The following AKAP3 variants were observed in gnomAD, a reference collection of about 807,000 sequenced individuals.
AKAP3 encodes the protein A-kinase anchor protein 3.
In AKAP3, 27 loss-of-function variants were observed where a neutral mutation model predicts 57.2. The ratio of observed to expected loss-of-function variants is 0.47; its 90% CI spans 0.35 to 0.65. AKAP3 has a LOEUF of 0.65. Among genes scored for constraint, AKAP3 ranks in the 30% least tolerant of loss-of-function variants. The pLI is 0.01. For synonymous variants in AKAP3, 334 were observed against 392.3 expected, an observed-to-expected ratio of 0.85 and a Z score of 1.76; for missense variants, 959 against 1,040.0, an observed-to-expected ratio of 0.92 and a Z score of 1.07.
intron 3 of AKAP3, 105 bp from the exon 4 acceptor site, chr12:4,638,301 G>T: frequency 1.3e-6 from 1 of 775,348 alleles, no homozygotes; most frequent in Non-Finnish European, 2.2e-6. Context: ...GATGAACAAT[G>T]CCTTCAATAG....
At position 4,627,202 on chromosome 12, in the gene AKAP3, G is replaced by A. The variant is rs758916430; in HGVS notation, c.1700C>T (p.Ala567Val). The change falls in exon 5 of 6, where the codon GCT (alanine) becomes GTT (valine). Residue 567 changes from alanine (A) to valine (V), a missense_variant. By Grantham distance (64) the Ala-to-Val change is moderately conservative (BLOSUM62 0). Transcript: ENST00000228850. ...AGACTTAAGGCAAGATTCATCGGGAGCTACAGGAGGTTCATTGGCAGGAAA... is the reference window on the plus strand; with the variant it reads ...AGACTTAAGGCAAGATTCATCGGGAACTACAGGAGGTTCATTGGCAGGAAA... ...TNFPANEPPV[A>V]PDESCLKSAP... 5.6e-6 allele frequency: 9 copies of A among 1,614,152 alleles called. No homozygotes were observed. The highest frequency in any genetic ancestry group is 3.3e-5 in the Admixed American group (2 of 60,004).
At position 4,649,019 on chromosome 12, in the gene AKAP3, G is replaced by A. The variant is rs551402656; in HGVS notation, c.-519C>T. On this transcript the variant is annotated 5_prime_UTR_variant, in exon 1 of 6. The change creates a new upstream start codon in the 5' untranslated region. Coordinates refer to ENST00000228850, the MANE Select transcript of AKAP3 (RefSeq NM_001278309.2). ...CTTAACCAACAATCTACCCGAAACC[G>A]TCGTTTCTTGGTTAGCGCTTGCGCA... 2.3e-6 allele frequency: 3 copies of A among 1,294,702 alleles called. No individual in the cohort carries two copies. The highest frequency in any genetic ancestry group is 2.5e-5 in the East Asian group (1 of 39,338). 80.2% of individuals were successfully genotyped at this position (1,294,702 alleles called of 1,614,324 possible). A position where few individuals can be genotyped will look rare whatever the true frequency, so the allele number is the denominator to read the frequency against.
In AKAP3 at chr12:4,641,062, CTTTTTTTTT is replaced by C. The variant is rs374817430; in HGVS notation, c.-1+828_-1+836del. Among the ~76,000 whole-genome samples the C allele has an allele frequency of 3.2e-4, 22 of 68,714 alleles. No individual in the cohort carries two copies. The East Asian group carries it at 3.9e-3, about 12-fold the overall frequency. 45.1% of individuals were successfully genotyped at this position (68,714 alleles called of 152,430 possible). A position where few individuals can be genotyped will look rare whatever the true frequency, so the allele number is the denominator to read the frequency against. On this transcript the variant is annotated intron_variant, in intron 3 of 5. Coordinates refer to ENST00000228850, the MANE Select transcript of AKAP3 (RefSeq NM_001278309.2). ...TCTCTGAGACAGATTTTCTAACTTC[CTTTTTTTTT>C]TTTTTTTTTTTTTTTTTTGGTGACA...
intron 4 of AKAP3, among the ~76,000 whole-genome samples, chr12:4,632,875 C>T (rs1294803947): frequency 6.6e-6 from 1 of 152,068 alleles, no homozygotes; most frequent in African/African-American, 2.4e-5. Flanking sequence ...CTCCTGACCT[C>T]GTGATCCGCC....
Position 4,627,095 on chromosome 12 carries a change from T to C in AKAP3, c.1807A>G (p.Ser603Gly), listed in dbSNP as rs150822841. 62 of 1,614,178 alleles carry C rather than the reference T, an allele frequency of 3.8e-5. No individual in the cohort carries two copies. In the African/African-American group the frequency reaches 5.7e-4, roughly 15 times the overall value. ...TGGTCACGCTTGAAAATGGTCTCACTAAGTAAGTTCCGGATGAAATTAAAG... is the reference window on the plus strand; with the variant it reads ...TGGTCACGCTTGAAAATGGTCTCACCAAGTAAGTTCCGGATGAAATTAAAG... ...VFFNFIRNLL[S>G]ETIFKRDQSP... is the part of the protein sequence containing the mutation. Residue 603 changes from serine to glycine, a missense_variant, in exon 5 of 6, where the codon AGT becomes GGT. Ser to Gly is a moderately conservative substitution (Grantham distance 56, BLOSUM62 0). Transcript: ENST00000228850.
At chr12:4,636,983 C>A (rs1945574720) in intron 4 of AKAP3, among the ~76,000 whole-genome samples, 1 of 152,144 alleles carries the variant, frequency 6.6e-6, no homozygotes, top group Admixed American at 6.5e-5. Flanking sequence ...TGGGCTCAAG[C>A]AATCCTCCCA....
chr12:4,632,752 A>AG (rs1436354739), intron 4 of AKAP3, among the ~76,000 whole-genome samples: 1 of 152,052 alleles, frequency 6.6e-6, no homozygotes, highest in East Asian at 1.9e-4. Flanking sequence ...GACATTCTCC[A>AG]GCCTCAGCCT....
chr12:4,627,198 G>C lies in AKAP3; in HGVS notation c.1704C>G (p.Pro568=). The change falls in exon 5 of 6, where the codon CCC becomes CCG. Residue 568 remains proline, a synonymous_variant. Coordinates refer to ENST00000228850, the MANE Select transcript of AKAP3 (RefSeq NM_001278309.2). ...NFPANEPPVA[P]DESCLKSAPI... ...GAGCAGACTTAAGGCAAGATTCATC[G>C]GGAGCTACAGGAGGTTCATTGGCAG... 3 of 1,614,002 alleles carry C rather than the reference G, an allele frequency of 1.9e-6. No homozygotes were observed. The highest frequency in any genetic ancestry group is 1.3e-5 in the African/African-American group (1 of 74,962).
chr12:4,634,712 C>A (rs1355403445), intron 4 of AKAP3, among the ~76,000 whole-genome samples: 1 of 128,614 alleles, frequency 7.8e-6, no homozygotes, highest in Non-Finnish European at 1.6e-5. Flanking sequence ...GATGGGATTG[C>A]ATTTGATTTT....
chr12:4,645,614 A>C (rs1362804894), intron 1 of AKAP3: 1 of 152,072 alleles, frequency 6.6e-6, no homozygotes, highest in Non-Finnish European at 1.5e-5. Context: ...GATTCTCATA[A>C]GGAGTGCACA....
chr12:4,632,487 C>A (rs1945510780), intron 4 of AKAP3, among the ~76,000 whole-genome samples: 1 of 152,094 alleles, frequency 6.6e-6, no homozygotes, highest in Admixed American at 6.5e-5. Flanking sequence ...ATGGTTGAGA[C>A]TATAATTAGG....
At chr12:4,640,355 C>T (rs1032594383) in intron 3 of AKAP3, among the ~76,000 whole-genome samples, 1 of 152,190 alleles carries the variant, frequency 6.6e-6, no homozygotes, top group African/African-American at 2.4e-5. Flanking sequence ...TCAAGCTCAA[C>T]AGCTTATCCT....
chr12:4,630,255 C>G (rs1328258584), intron 4 of AKAP3, among the ~76,000 whole-genome samples: 1 of 152,184 alleles, frequency 6.6e-6, no homozygotes, highest in African/African-American at 2.4e-5. Context: ...TTTATAGGCA[C>G]TATTTTGTTT....
rs2137434277 is a variant in AKAP3, at chr12:4,628,327, G to A, written c.575C>T (p.Pro192Leu). The A allele has an allele frequency of 6.2e-7, 1 of 1,614,078 alleles. No homozygotes were observed. The highest frequency in any genetic ancestry group is 1.3e-5 in the African/African-American group (1 of 75,058). Residue 192 changes from proline to leucine, a missense_variant, in exon 5 of 6, where the codon CCA becomes CTA. Coordinates refer to ENST00000228850, the MANE Select transcript of AKAP3 (RefSeq NM_001278309.2). ...TVSACSRNAA[P>L]DKAPGSGDRV... ...GTCTCCAGAGCCAGGAGCCTTGTCTGGGGCAGCATTCCTGGAACATGCAGA... is the reference window on the plus strand; with the variant it reads ...GTCTCCAGAGCCAGGAGCCTTGTCTAGGGCAGCATTCCTGGAACATGCAGA...
chr12:4,625,109 A>G lies in AKAP3; in HGVS notation c.2406+1387T>C, dbSNP rs1774454930. ...TCTACTAATTGCTATATACTGTAAA[A>G]TAGTTGTCTGTTTCACGGATTGGAA... On this transcript the variant is annotated intron_variant, in intron 5 of 5. Transcript: ENST00000228850. The surrounding 1 kb of genome is among the most constrained non-coding windows in gnomAD (Gnocchi z 5.4). Among the ~76,000 whole-genome samples, 1 of 152,134 alleles carries G rather than the reference A, an allele frequency of 6.6e-6. No individual in the cohort carries two copies. Among genetic ancestry groups the G allele is most frequent in the African/African-American group, 2.4e-5 (1 of 41,432 alleles).
chr12:4,637,558 TA>T (rs1945582470), intron 4 of AKAP3, among the ~76,000 whole-genome samples: 1 of 152,234 alleles, frequency 6.6e-6, no homozygotes, highest in Non-Finnish European at 1.5e-5. Context: ...AAATAATTTT[TA>T]AATGTTAAGT....
chr12:4,631,268 T>A, intron 4 of AKAP3: 2 of 695,780 alleles, frequency 2.9e-6, no homozygotes, highest in Non-Finnish European at 5.2e-6. Flanking sequence ...TATTCTCTGC[T>A]GGGTGTGAGG....
In AKAP3 at chr12:4,627,612, C is replaced by G; in HGVS notation, c.1290G>C (p.Leu430Phe). Residue 430 changes from leucine (L) to phenylalanine (F), a missense_variant, in exon 5 of 6, where the codon TTG becomes TTC. Physicochemically the swap from Leu to Phe is conservative, Grantham distance 22. Coordinates refer to ENST00000228850, the MANE Select transcript of AKAP3 (RefSeq NM_001278309.2). Reference sequence around the variant, plus strand: ...TGGGTTCAGAATACATTTTTTCTCTCAATTTAGTTTCAGATTTCATGGCAA... The same window carrying G: ...TGGGTTCAGAATACATTTTTTCTCTGAATTTAGTTTCAGATTTCATGGCAA... ...VNFAMKSETK[L>F]REKMYSEPKS... is the part of the protein sequence containing the mutation. 6.2e-7 allele frequency: 1 copy of G among 1,614,034 alleles called. No homozygotes were observed. The highest frequency in any genetic ancestry group is 8.5e-7 in the Non-Finnish European group (1 of 1,180,026).
chr12:4,640,018 G>A (rs1166187150), intron 3 of AKAP3, among the ~76,000 whole-genome samples: 4 of 151,874 alleles, frequency 2.6e-5, no homozygotes, highest in South Asian at 2.1e-4. Context: ...GGGTTTCACC[G>A]TGTTAGCCAG....
Sources: allele counts gnomAD v4.1 joint callset (sites outside exome capture counted in the v4.1 genomes callset), GRCh38; gene constraint gnomAD v4.1.1; non-coding constraint Gnocchi (gnomAD v3.1); transcripts MANE v1.5; gene names NCBI Gene and HGNC (gene_info 2026-07-23, HGNC 2026-07-21).